The following ADAM20 variants were observed in gnomAD, a reference collection of about 807,000 sequenced individuals.
ADAM20 encodes the protein disintegrin and metalloproteinase domain-containing protein 20.
For missense variants in ADAM20, 871 were observed against 883.2 expected (o/e 0.99, Z 0.18); for synonymous variants, 305 against 310.2 (o/e 0.98, Z 0.18).
the ADAM20 span, among the ~76,000 whole-genome samples, chr14:70,558,653 A>G: frequency 6.6e-6 from 1 of 152,148 alleles, no homozygotes; most frequent in Non-Finnish European, 1.5e-5. Context: ...TGGAAGTACA[A>G]GTTATTGGAG....
At chr14:70,565,618 C>A in the ADAM20 span, among the ~76,000 whole-genome samples, 2 of 152,112 alleles carry the variant, frequency 1.3e-5, no homozygotes, top group African/African-American at 4.8e-5. Flanking sequence ...ATACAGTCAG[C>A]CCTTCATATC....
chr14:70,543,827 C>G, the ADAM20 span, among the ~76,000 whole-genome samples: 2 of 152,148 alleles, frequency 1.3e-5, no homozygotes, highest in East Asian at 3.9e-4. Context: ...CACGCCATCC[C>G]TCGTCCTTTT....
chr14:70,579,291 T>G, the ADAM20 span, among the ~76,000 whole-genome samples: 5 of 152,172 alleles, frequency 3.3e-5, no homozygotes, highest in Non-Finnish European at 7.4e-5. Context: ...AGAAATAATT[T>G]ACATTCCCAC....
the ADAM20 span, among the ~76,000 whole-genome samples, chr14:70,562,589 G>A: frequency 6.6e-6 from 1 of 152,162 alleles, no homozygotes; most frequent in Non-Finnish European, 1.5e-5. Context: ...GGGCTTGGTT[G>A]GAGGTGACTG....
chr14:70,573,577 A>T, the ADAM20 span, among the ~76,000 whole-genome samples: 3 of 152,288 alleles, frequency 2.0e-5, no homozygotes, highest in African/African-American at 7.2e-5. Context: ...ATAATTTTTT[A>T]AAAAAAGACA....
chr14:70,554,024 T>C, the ADAM20 span, among the ~76,000 whole-genome samples: 451 of 152,328 alleles, frequency 3.0e-3, 2 homozygotes, highest in African/African-American at 0.011. Context: ...TATTACCTTA[T>C]ATTCGGAAAA....
chr14:70,553,700 T>C, the ADAM20 span, among the ~76,000 whole-genome samples: 1 of 151,952 alleles, frequency 6.6e-6, no homozygotes, highest in Non-Finnish European at 1.5e-5. Flanking sequence ...CATGTGATCA[T>C]TTCAACTGAT....
At chr14:70,572,165 T>G in the ADAM20 span, among the ~76,000 whole-genome samples, 1 of 152,138 alleles carries the variant, frequency 6.6e-6, no homozygotes, top group Non-Finnish European at 1.5e-5. Flanking sequence ...AGAGCCTGAT[T>G]AACCAAAGAA....
chr14:70,541,389 A>G, the ADAM20 span, among the ~76,000 whole-genome samples: 5 of 152,242 alleles, frequency 3.3e-5, no homozygotes, highest in South Asian at 4.1e-4. Flanking sequence ...TTTAAGTTGA[A>G]TAAAATAAAA....
At chr14:70,526,036 CAG>C (rs1373311357) in intron 1 of ADAM20, among the ~76,000 whole-genome samples, 4 of 152,186 alleles carry the variant, frequency 2.6e-5, no homozygotes, top group African/African-American at 9.7e-5. Context: ...AAAGCCTACA[CAG>C]AGGAGCTTAA....
At chr14:70,533,634 G>A (rs1172267346) in intron 1 of ADAM20, among the ~76,000 whole-genome samples, 1 of 152,000 alleles carries the variant, frequency 6.6e-6, no homozygotes, top group African/African-American at 2.4e-5. Context: ...GAGCATTAGG[G>A]CAAATACCTA....
chr14:70,524,754 C>A lies in ADAM20; in HGVS notation c.4G>T (p.Ala2Ser). Reference sequence around the variant, plus strand: ...ATGTGCACCAGGGGCTCACCCACTGCCATTATGAAGCTGTCATTATGGAGC... The same window carrying A: ...ATGTGCACCAGGGGCTCACCCACTGACATTATGAAGCTGTCATTATGGAGC... M[A>S]VGEPLVHIRV... The change falls in exon 2 of 2, where the codon GCA becomes TCA. Residue 2 changes from alanine to serine, a missense_variant. Physicochemically the swap from Ala to Ser is moderately conservative, Grantham distance 99 (BLOSUM62 1). Coordinates refer to ENST00000256389, the MANE Select transcript of ADAM20 (RefSeq NM_003814.5). The A allele has an allele frequency of 6.2e-7, 1 of 1,613,894 alleles. No homozygotes were observed. Among genetic ancestry groups the A allele is most frequent in the South Asian group, 1.1e-5 (1 of 91,070 alleles).
chr14:70,578,736 T>A, the ADAM20 span, among the ~76,000 whole-genome samples: 1 of 152,124 alleles, frequency 6.6e-6, no homozygotes. Flanking sequence ...CATGGGGGTT[T>A]GATACAAGGG....
chr14:70,562,418 G>A, the ADAM20 span, among the ~76,000 whole-genome samples: 20 of 152,172 alleles, frequency 1.3e-4, no homozygotes, highest in Admixed American at 1.2e-3. Flanking sequence ...TTTGGATTGT[G>A]GACTTTTGAG....
the ADAM20 span, chr14:70,557,246 G>A: frequency 1.1e-4 from 16 of 152,280 alleles, no homozygotes; most frequent in East Asian, 1.9e-3. Flanking sequence ...GTAAAAGACG[G>A]CACTTTGTGT....
At chr14:70,535,495 C>T (rs1469663296), upstream of ADAM20, among the ~76,000 whole-genome samples, 2 of 152,054 alleles carry the variant, frequency 1.3e-5, no homozygotes, top group African/African-American at 2.4e-5. Flanking sequence ...CCAAAATATC[C>T]CCTAGTCTCC....
the ADAM20 span, among the ~76,000 whole-genome samples, chr14:70,565,793 C>T: frequency 6.6e-6 from 1 of 152,086 alleles, no homozygotes; most frequent in Non-Finnish European, 1.5e-5. Context: ...GTAAAGTATA[C>T]AGGAAGATGT....
the ADAM20 span, among the ~76,000 whole-genome samples, chr14:70,558,002 T>A: frequency 6.6e-6 from 1 of 152,190 alleles, no homozygotes; most frequent in African/African-American, 2.4e-5. Flanking sequence ...TAAGGTAGGA[T>A]TGCACTCAGT....
chr14:70,539,546 T>C (rs992055834), upstream of ADAM20, among the ~76,000 whole-genome samples: 2 of 152,248 alleles, frequency 1.3e-5, no homozygotes, highest in Non-Finnish European at 2.9e-5. Context: ...TTCTGAGAAT[T>C]TGTGGTCTAA....
Sources: allele counts gnomAD v4.1 joint callset (sites outside exome capture counted in the v4.1 genomes callset), GRCh38; gene constraint gnomAD v4.1.1; transcripts MANE v1.5; gene names NCBI Gene and HGNC (gene_info 2026-07-23, HGNC 2026-07-21).